Variants in PTK7 observed in about 807,000 individuals in gnomAD.
PTK7 encodes the protein inactive tyrosine-protein kinase 7.
Under a neutral mutation model 116.6 loss-of-function variants are expected in PTK7, and 39 were observed. The ratio of observed to expected loss-of-function variants is 0.33; its 90% CI spans 0.26 to 0.44. PTK7 has a LOEUF of 0.44. Among genes scored for constraint, PTK7 ranks in the 20% least tolerant of loss-of-function variants. The pLI is 1.00. For missense variants in PTK7, 1,169 were observed against 1,425.6 expected, an observed-to-expected ratio of 0.82 and a Z score of 2.90; for synonymous variants, 546 against 563.6, an observed-to-expected ratio of 0.97 and a Z score of 0.44.
chr6:43,159,868 C>A lies in PTK7; in HGVS notation c.2954C>A (p.Thr985Asn). Residue 985 changes from threonine (T) to asparagine (N), a missense_variant, in exon 19 of 20, where the codon ACC becomes AAC. Physicochemically the swap from Thr to Asn is moderately conservative, Grantham distance 65. This residue lies in a region of PTK7 where 678 missense variants were observed against 853.8 expected (regional missense o/e 0.79). Coordinates refer to ENST00000230419, the MANE Select transcript of PTK7 (RefSeq NM_002821.5). ...GCCATCCTGGAGGGTGACTTCTCTA[C>A]CAAGTCTGATGTCTGGGCCTTCGGT... is the stretch of plus-strand genomic sequence containing the variant. ...PEAILEGDFSTKSDVWAFGVL... is the reference protein window; with the variant it reads ...PEAILEGDFSNKSDVWAFGVL... The A allele has an allele frequency of 6.2e-7, 1 of 1,614,228 alleles. No homozygotes were observed.
chr6:43,158,074 G>A (rs980299349), intron 17 of PTK7, among the ~76,000 whole-genome samples: 3 of 151,954 alleles, frequency 2.0e-5, no homozygotes, highest in African/African-American at 7.3e-5. Context: ...CGAGGCGGGC[G>A]GATCACAAGG....
intron 17 of PTK7, among the ~76,000 whole-genome samples, chr6:43,147,108 G>A (rs1451613142): frequency 3.3e-5 from 5 of 152,252 alleles, no homozygotes; most frequent in African/African-American, 4.8e-5. Context: ...GGGCCTGAGC[G>A]TGTTTCTTCA....
intron 17 of PTK7, among the ~76,000 whole-genome samples, chr6:43,154,155 T>C (rs770591549): frequency 6.6e-6 from 1 of 151,570 alleles, no homozygotes; most frequent in African/African-American, 2.4e-5. Context: ...AGAGCAAGAC[T>C]CAGTCTCTAA....
At chr6:43,131,313 C>T (rs1769669383) in intron 5 of PTK7, among the ~76,000 whole-genome samples, 1 of 151,196 alleles carries the variant, frequency 6.6e-6, no homozygotes, top group South Asian at 2.1e-4. Context: ...AGCTGGGTGC[C>T]CTATCAACGT....
At chr6:43,152,617 G>A (rs1231005713) in intron 17 of PTK7, among the ~76,000 whole-genome samples, 4 of 152,232 alleles carry the variant, frequency 2.6e-5, no homozygotes, top group Non-Finnish European at 4.4e-5. Context: ...GCACTGATCA[G>A]GACGATGATG....
chr6:43,097,106 T>TA (rs752852392), intron 1 of PTK7, among the ~76,000 whole-genome samples: 6 of 146,148 alleles, frequency 4.1e-5, no homozygotes, highest in Admixed American at 6.8e-5. Context: ...AACACACACT[T>TA]ACAATTCATT....
intron 1 of PTK7, among the ~76,000 whole-genome samples, chr6:43,124,128 C>T (rs1769135505): frequency 6.6e-6 from 1 of 152,044 alleles, no homozygotes; most frequent in Non-Finnish European, 1.5e-5. Flanking sequence ...CTCGGGAAGC[C>T]CAGGACCTTT....
chr6:43,142,497 C>T (rs1442598919), intron 13 of PTK7, 198 bp downstream of exon 13: 10 of 857,202 alleles, frequency 1.2e-5, no homozygotes, highest in Non-Finnish European at 1.7e-5. Context: ...TAACATCCAA[C>T]GGTCGGTGTG....
At position 43,143,296 on chromosome 6, in the gene PTK7, T is replaced by C; in HGVS notation, c.2048-121T>C. 1 of 910,410 alleles carries C rather than the reference T, an allele frequency of 1.1e-6. No homozygotes were observed. The highest frequency in any genetic ancestry group is 1.7e-6 in the Non-Finnish European group (1 of 598,004). The allele number at this position is 910,410 out of a possible 1,614,324, so 56.4% of individuals were successfully genotyped here. ...TGGCCCTTGTTAAAGCCAGTGAAGG[T>C]GGTGACCCTCCCGGGCCATCTGTTA... On this transcript the variant is annotated intron_variant, in intron 13 of 19. Transcript: ENST00000230419. This position sits in a 1 kb window ranked among gnomAD's most constrained non-coding sequence, Gnocchi z 4.2.
At chr6:43,104,922 C>T (rs1767784472) in intron 1 of PTK7, among the ~76,000 whole-genome samples, 2 of 149,908 alleles carry the variant, frequency 1.3e-5, no homozygotes, top group Admixed American at 6.7e-5. Flanking sequence ...ATGCCATTCT[C>T]CTGTCTCAGC....
At chr6:43,156,879 A>G (rs954557189) in intron 17 of PTK7, among the ~76,000 whole-genome samples, 1 of 152,114 alleles carries the variant, frequency 6.6e-6, no homozygotes, top group Non-Finnish European at 1.5e-5. Context: ...CGTGGGTGAC[A>G]AGAGCGAGAC....
At chr6:43,157,339 TATATATATATATATATATATATA>T (rs1561990015) in intron 17 of PTK7, among the ~76,000 whole-genome samples, 8 of 4,080 alleles carry the variant, frequency 2.0e-3, no homozygotes, top group East Asian at 8.7e-3. Context: ...TATATATATA[TATATATATATATATATATATATA>T]TATTTTTTTT....
intron 17 of PTK7, among the ~76,000 whole-genome samples, chr6:43,157,159 T>TG (rs1771479740): frequency 6.8e-6 from 1 of 146,334 alleles, no homozygotes; most frequent in African/African-American, 2.5e-5. Flanking sequence ...CTAGCATTGT[T>TG]GGATTGTGGT....
At position 43,107,526 on chromosome 6, in the gene PTK7, A is replaced by T. The variant is rs568154849; in HGVS notation, c.80-21451A>T. On this transcript the variant is annotated intron_variant, in intron 1 of 19. Transcript: ENST00000230419. ...ATATGGTTAAATGTTTGGAACAGTA[A>T]GTGGTCAGTAAGTGGTAGCTGTTAC... 9.8e-5 allele frequency among the ~76,000 whole-genome samples: 15 copies of T among 152,318 alleles called. 1 individual carries two copies. The South Asian group carries it at 2.9e-3, about 29-fold the overall frequency.
chr6:43,110,317 A>G (rs1768124972), intron 1 of PTK7, among the ~76,000 whole-genome samples: 1 of 150,634 alleles, frequency 6.6e-6, no homozygotes, highest in Admixed American at 6.6e-5. Context: ...TTTATTAATC[A>G]TTTATGTTTG....
chr6:43,135,269 G>A (rs1183433592), intron 7 of PTK7, among the ~76,000 whole-genome samples: 1 of 152,164 alleles, frequency 6.6e-6, no homozygotes, highest in Non-Finnish European at 1.5e-5. Flanking sequence ...AGAGGGTAGA[G>A]CCCAGAAGAC....
At chr6:43,124,748 A>C (rs1041224787) in intron 1 of PTK7, among the ~76,000 whole-genome samples, 2 of 152,242 alleles carry the variant, frequency 1.3e-5, no homozygotes, top group Non-Finnish European at 1.5e-5. Context: ...GGCTGGGCAC[A>C]CCACAGACTG....
intron 1 of PTK7, among the ~76,000 whole-genome samples, chr6:43,081,698 C>T (rs1421516902): frequency 1.3e-5 from 2 of 152,182 alleles, no homozygotes; most frequent in Admixed American, 6.5e-5. Flanking sequence ...AGCCACTGCA[C>T]CCAGCCGATA....
intron 1 of PTK7, among the ~76,000 whole-genome samples, chr6:43,100,310 G>C (rs1307766191): frequency 6.6e-6 from 1 of 151,568 alleles, no homozygotes; most frequent in Non-Finnish European, 1.5e-5. Context: ...GTGAACCCAG[G>C]AGGCGGAGCC....
Sources: gnomAD v4.1 joint callset for allele counts (sites outside exome capture counted in the v4.1 genomes callset) on GRCh38, gnomAD v4.1.1 for gene constraint, gnomAD v4.1.1 regional missense constraint, Gnocchi (gnomAD v3.1) non-coding constraint, MANE v1.5 for transcripts, NCBI Gene and HGNC (gene_info 2026-07-23, HGNC 2026-07-21) for gene names.